Variants in SEMA3C observed in about 807,000 individuals in gnomAD.
The protein encoded by SEMA3C is semaphorin-3C.
Under a neutral mutation model 89.4 loss-of-function variants are expected in SEMA3C, and 47 were observed. The observed-to-expected ratio is 0.53, with a 90% CI of 0.42 to 0.67. The LOEUF (loss-of-function observed/expected upper bound fraction) is 0.67. SEMA3C is among the 30% of genes least tolerant of loss of function. The probability of loss-of-function intolerance (pLI) is 0.00; values close to 1 mark genes in which losing one functional copy is unlikely to be tolerated. For synonymous variants in SEMA3C, 310 were observed against 320.2 expected, an observed-to-expected ratio of 0.97 and a Z score of 0.34; for missense variants, 839 against 929.1, an observed-to-expected ratio of 0.90 and a Z score of 1.26.
chr7:80,797,854 C>T (rs904729318), intron 11 of SEMA3C, among the ~76,000 whole-genome samples: 10 of 152,094 alleles, frequency 6.6e-5, no homozygotes, highest in African/African-American at 1.9e-4. Context: ...AAAAATTAGC[C>T]GGGCATGGTG....
chr7:80,744,306 A>C lies in SEMA3C; in HGVS notation c.*588T>G, dbSNP rs2117017960. The C allele has an allele frequency of 6.5e-6, 1 of 152,768 alleles. No individual in the cohort carries two copies. Among genetic ancestry groups the C allele is most frequent in the Admixed American group, 6.5e-5 (1 of 15,302 alleles). 9.5% of individuals were successfully genotyped at this position (152,768 alleles called of 1,614,324 possible). On this transcript the variant is annotated 3_prime_UTR_variant, in exon 18 of 18. Transcript: ENST00000265361. ...GGTCAGTGACAGATACCAGTAACTG[A>C]TTATTTTTACAATCTTAAAAAAACC...
chr7:80,800,261 G>T (rs1045677131), intron 10 of SEMA3C, among the ~76,000 whole-genome samples: 1 of 151,712 alleles, frequency 6.6e-6, no homozygotes, highest in African/African-American at 2.4e-5. Flanking sequence ...ACTGAAATGC[G>T]TAATTGTTTC....
intron 11 of SEMA3C, among the ~76,000 whole-genome samples, chr7:80,792,493 T>C (rs1788967028): frequency 6.6e-6 from 1 of 152,234 alleles, no homozygotes; most frequent in African/African-American, 2.4e-5. Context: ...ACAATTTACA[T>C]AATTTCCAGT....
intron 2 of SEMA3C, among the ~76,000 whole-genome samples, chr7:80,842,218 T>G (rs540498613): frequency 6.6e-6 from 1 of 152,282 alleles, no homozygotes; most frequent in East Asian, 1.9e-4. Context: ...AGCCCAAGAC[T>G]TATCATATAC....
At chr7:80,749,788 T>G (rs1787884135) in intron 16 of SEMA3C, among the ~76,000 whole-genome samples, 1 of 152,132 alleles carries the variant, frequency 6.6e-6, no homozygotes, top group Admixed American at 6.6e-5. Context: ...GCAGGAATAA[T>G]AAGACTCTAG....
Position 80,918,839 on chromosome 7 carries a change from G to A in SEMA3C, c.-50C>T. On this transcript the variant is annotated 5_prime_UTR_variant, in exon 1 of 18. Transcript: ENST00000265361. ...CCAATTTAGCTTACCGAGGTTGAAA[G>A]AAATCAGCACGGAAAAGTCATCAGT... is the stretch of plus-strand genomic sequence containing the variant. The A allele has an allele frequency of 1.0e-6, 1 of 985,466 alleles. No individual in the cohort carries two copies. Among genetic ancestry groups the A allele is most frequent in the Middle Eastern group, 5.2e-4 (1 of 1,916 alleles). 61.0% of individuals were successfully genotyped at this position (985,466 alleles called of 1,614,324 possible).
chr7:80,904,679 C>A (rs1791964194), intron 2 of SEMA3C, among the ~76,000 whole-genome samples: 1 of 152,194 alleles, frequency 6.6e-6, no homozygotes, highest in Non-Finnish European at 1.5e-5. Flanking sequence ...AGTTCCCTGA[C>A]ACTTTCATGT....
chr7:80,751,317 C>A lies in SEMA3C; in HGVS notation c.1663G>T (p.Val555Leu). Reference sequence around the variant, plus strand: ...TGAGTCAGTGGGTTTCCATGTCTCACATCTTGTCTTCGGCTCCTCCTGCAA... The same window carrying A: ...TGAGTCAGTGGGTTTCCATGTCTCAAATCTTGTCTTCGGCTCCTCCTGCAA... ...TGKRRSRRQD[V>L]RHGNPLTQCR... is the part of the protein sequence containing the mutation. Residue 555 changes from valine to leucine, a missense_variant, in exon 16 of 18, where the codon GTG (valine) becomes TTG (leucine). By Grantham distance (32) the Val-to-Leu change is conservative. Transcript: ENST00000265361. 1.9e-6 allele frequency: 3 copies of A among 1,613,962 alleles called. No individual in the cohort carries two copies. Among genetic ancestry groups the A allele is most frequent in the Non-Finnish European group, 2.5e-6 (3 of 1,179,906 alleles).
At chr7:80,759,397 A>T (rs1788135953) in intron 14 of SEMA3C, among the ~76,000 whole-genome samples, 1 of 152,196 alleles carries the variant, frequency 6.6e-6, no homozygotes, top group Admixed American at 6.5e-5. Flanking sequence ...TGGAGACACC[A>T]TGGGCCCGCC....
intron 2 of SEMA3C, among the ~76,000 whole-genome samples, chr7:80,891,175 C>A (rs1791602716): frequency 6.6e-6 from 1 of 152,166 alleles, no homozygotes; most frequent in East Asian, 1.9e-4. Flanking sequence ...ACACACTCAG[C>A]ATTTTGTGAT....
At chr7:80,886,253 G>A (rs868672628) in intron 2 of SEMA3C, among the ~76,000 whole-genome samples, 4 of 151,736 alleles carry the variant, frequency 2.6e-5, no homozygotes, top group Middle Eastern at 6.8e-3. Flanking sequence ...GTTATGACAT[G>A]GTATTGGTAT....
intron 2 of SEMA3C, among the ~76,000 whole-genome samples, chr7:80,841,744 T>C (rs1307545457): frequency 6.6e-6 from 1 of 152,176 alleles, no homozygotes; most frequent in Non-Finnish European, 1.5e-5. Context: ...TCATTTTCTT[T>C]TGAACACAGG....
intron 15 of SEMA3C, among the ~76,000 whole-genome samples, chr7:80,757,953 G>A (rs35520130): frequency 0.43 from 65,655 of 152,004 alleles, 17,501 homozygotes; most frequent in Non-Finnish European, 0.59. Flanking sequence ...GTGACAGAGC[G>A]AGACTTCATC....
Position 80,766,084 on chromosome 7 carries a change from T to C in SEMA3C, c.1355-841A>G, listed in dbSNP as rs75880125. Among the ~76,000 whole-genome samples the C allele has an allele frequency of 6.2e-3, 937 of 152,340 alleles. 10 individuals are homozygous for C. The highest frequency in any genetic ancestry group is 0.022 in the African/African-American group (901 of 41,578). ...CTGTAACTGTGATGGACTTTCGACA[T>C]GGTGAAATGTTTCACTCACCATTCA... On this transcript the variant is annotated intron_variant, in intron 12 of 17. Transcript: ENST00000265361.
chr7:80,853,461 T>C (rs1372248185), intron 2 of SEMA3C, among the ~76,000 whole-genome samples: 5 of 152,190 alleles, frequency 3.3e-5, no homozygotes, highest in Non-Finnish European at 7.4e-5. Flanking sequence ...ATCCTGTCAT[T>C]TGCACAACAT....
intron 13 of SEMA3C, among the ~76,000 whole-genome samples, chr7:80,763,101 T>C (rs3778676): frequency 0.1 from 15,650 of 152,202 alleles, 1,205 homozygotes; most frequent in East Asian, 0.25. Flanking sequence ...GTTATACTTC[T>C]AATTCTAGTT....
intron 2 of SEMA3C, among the ~76,000 whole-genome samples, chr7:80,845,641 C>T (rs1040279494): frequency 2.0e-5 from 3 of 152,150 alleles, no homozygotes; most frequent in Non-Finnish European, 4.4e-5. Context: ...ATTCTAGACA[C>T]ATATCAATTC....
In SEMA3C at chr7:80,882,412, CTTTTTTTTTTT is replaced by C. The variant is rs763742493; in HGVS notation, c.103+34256_103+34266del. Among the ~76,000 whole-genome samples the C allele has an allele frequency of 3.9e-3, 181 of 46,670 alleles. 2 individuals are homozygous for C. The highest frequency in any genetic ancestry group is 0.015 in the African/African-American group (165 of 10,766). 30.6% of individuals were successfully genotyped at this position (46,670 alleles called of 152,430 possible). ...TACATTCTGGAATTTGTAAGGGATG[CTTTTTTTTTTT>C]TTTTTTTTTTTTTTTTGGTATTTTC... On this transcript the variant is annotated intron_variant, in intron 2 of 17. Coordinates refer to ENST00000265361, the MANE Select transcript of SEMA3C (RefSeq NM_006379.5).
intron 2 of SEMA3C, among the ~76,000 whole-genome samples, chr7:80,916,298 A>G (rs1792272435): frequency 6.6e-6 from 1 of 152,100 alleles, no homozygotes; most frequent in Non-Finnish European, 1.5e-5. Context: ...TAGTAATTGA[A>G]CCTGCATAGC....
Sources: allele counts gnomAD v4.1 joint callset (sites outside exome capture counted in the v4.1 genomes callset), GRCh38; gene constraint gnomAD v4.1.1; transcripts MANE v1.5; gene names NCBI Gene and HGNC (gene_info 2026-07-23, HGNC 2026-07-21).